Variants in SLC30A3 observed in about 807,000 individuals in gnomAD.
The protein encoded by SLC30A3 is solute carrier family 30 member 3, also known as probable proton-coupled zinc antiporter SLC30A3.
A neutral mutation model predicts 35.6 loss-of-function variants in SLC30A3; 20 were observed. That is an observed-to-expected ratio of 0.56 (90% CI 0.39 to 0.82). The LOEUF (loss-of-function observed/expected upper bound fraction) is 0.82. Ranked by LOEUF, SLC30A3 falls within the 40% of genes least tolerant of loss-of-function variation. SLC30A3 has a pLI of 0.00. For synonymous variants in SLC30A3, 217 were observed against 224.7 expected, an observed-to-expected ratio of 0.97 and a Z score of 0.31; for missense variants, 401 against 530.6, an observed-to-expected ratio of 0.76 and a Z score of 2.40.
Position 27,255,889 on chromosome 2 carries a change from T to C in SLC30A3, c.1019-429A>G. The C allele has an allele frequency of 4.7e-6, 1 of 212,802 alleles. No homozygotes were observed. 13.2% of individuals were successfully genotyped at this position (212,802 alleles called of 1,614,324 possible). A position where few individuals can be genotyped will look rare whatever the true frequency, so the allele number is the denominator to read the frequency against. ...GCATCTGGAAGAAACTCAAAAATCC[T>C]TTGTCAGCTCATGACTCACCATATA... On this transcript the variant is annotated intron_variant, in intron 7 of 7. Transcript: ENST00000233535. This position sits in a 1 kb window ranked among gnomAD's most constrained non-coding sequence, Gnocchi z 5.2.
upstream of SLC30A3, chr2:27,263,097 C>A (rs1677311442): frequency 3.7e-6 from 5 of 1,347,938 alleles, no homozygotes; most frequent in Non-Finnish European, 3.8e-6. Flanking sequence ...GGAGCCCCGC[C>A]CCGCGTGGGG....
intron 1 of SLC30A3, among the ~76,000 whole-genome samples, chr2:27,270,921 G>A (rs1209410229): frequency 6.6e-6 from 1 of 152,114 alleles, no homozygotes. Flanking sequence ...GAGAGGATGT[G>A]AATATCCCCC....
upstream of SLC30A3, chr2:27,263,909 G>A: frequency 1.8e-6 from 1 of 551,678 alleles, no homozygotes; most frequent in Non-Finnish European, 3.1e-6. Context: ...CAGCGTGTCA[G>A]CTAGTGATTC....
At chr2:27,259,103 A>G (rs1421005382) in intron 1 of SLC30A3, 169 bp from the exon 2 acceptor site, 2 of 579,764 alleles carry the variant, frequency 3.4e-6, no homozygotes, top group South Asian at 2.3e-5. Flanking sequence ...GGCTAAATGA[A>G]CAGGTCAGAG....
At position 27,259,441 on chromosome 2, in the gene SLC30A3, C is replaced by T. The variant is rs541478559; in HGVS notation, c.96-507G>A. Among the ~76,000 whole-genome samples, 1,289 of 151,394 alleles carry T rather than the reference C, an allele frequency of 8.5e-3. 31 individuals are homozygous for T. Among genetic ancestry groups the T allele is most frequent in the Middle Eastern group, 0.01 (3 of 292 alleles). ...CAGGGAGTTGGAGGTTGCAGTGAGC[C>T]GAGATCGTGCCACTGCACTCCAGCC... is the stretch of plus-strand genomic sequence containing the variant. On this transcript the variant is annotated intron_variant, in intron 1 of 7. Coordinates refer to ENST00000233535, the MANE Select transcript of SLC30A3 (RefSeq NM_003459.5).
chr2:27,275,303 A>G (rs534127426), exon 1 of SLC30A3: 90 of 996,566 alleles, frequency 9.0e-5, no homozygotes, highest in Middle Eastern at 3.2e-4. Context: ...GCCTGGCAGC[A>G]ACGCTCCTAC....
In SLC30A3 at chr2:27,262,523, G is replaced by A. The variant is rs1045254680; in HGVS notation, c.95+289C>T. On this transcript the variant is annotated intron_variant, in intron 1 of 7. Coordinates refer to ENST00000233535, the MANE Select transcript of SLC30A3 (RefSeq NM_003459.5). The surrounding 1 kb of genome is among the most constrained non-coding windows in gnomAD (Gnocchi z 7.5). ...CCGAGCGGCAGCTGCTCCCAGGGAA[G>A]GCAGGCGCCGCGGGGGTGGCGGAGG... 1.3e-5 allele frequency among the ~76,000 whole-genome samples: 2 copies of A among 152,048 alleles called. No homozygotes were observed. Among genetic ancestry groups the A allele is most frequent in the Non-Finnish European group, 2.9e-5 (2 of 67,972 alleles).
Position 27,258,710 on chromosome 2 carries a change from A to G in SLC30A3, c.277+43T>C, listed in dbSNP as rs1199171403. On this transcript the variant is annotated intron_variant, in intron 2 of 7. Coordinates refer to ENST00000233535, the MANE Select transcript of SLC30A3 (RefSeq NM_003459.5). This position sits in a 1 kb window ranked among gnomAD's most constrained non-coding sequence, Gnocchi z 4.0. ...ACTCTGGGTGGAGAGTGGCTTGGGC[A>G]GGTATTTGGAGAATGGGGTTTAAGG... The G allele has an allele frequency of 6.3e-7, 1 of 1,599,294 alleles. No homozygotes were observed. The highest frequency in any genetic ancestry group is 8.6e-7 in the Non-Finnish European group (1 of 1,167,762).
At chr2:27,268,887 G>A (rs1677609588) in intron 1 of SLC30A3, among the ~76,000 whole-genome samples, 1 of 152,174 alleles carries the variant, frequency 6.6e-6, no homozygotes. Context: ...TTTAAGAACA[G>A]TGATCTGGGA....
At chr2:27,263,060 G>T (rs1677307920), upstream of SLC30A3, 1 of 1,362,416 alleles carries the variant, frequency 7.3e-7, no homozygotes, top group East Asian at 3.1e-5. Flanking sequence ...GGCGCGCGGA[G>T]TCCGAACTGC....
rs1428260371 is a variant in SLC30A3, at chr2:27,255,758, T to A, written c.1019-298A>T. ...CATACCACCCGATTTCCCAGGACAATCCAGTTGTTAAATATCTGTCTCATT... is the reference window on the plus strand; with the variant it reads ...CATACCACCCGATTTCCCAGGACAAACCAGTTGTTAAATATCTGTCTCATT... On this transcript the variant is annotated intron_variant, in intron 7 of 7. Coordinates refer to ENST00000233535, the MANE Select transcript of SLC30A3 (RefSeq NM_003459.5). This position sits in a 1 kb window ranked among gnomAD's most constrained non-coding sequence, Gnocchi z 5.2. The A allele has an allele frequency of 2.7e-6, 1 of 367,516 alleles. No homozygotes were observed. The highest frequency in any genetic ancestry group is 4.9e-6 in the Non-Finnish European group (1 of 202,520). The allele number at this position is 367,516 out of a possible 1,614,324, so 22.8% of individuals were successfully genotyped here.
In SLC30A3 at chr2:27,262,279, C is replaced by G. The variant is rs905608856; in HGVS notation, c.95+533G>C. ...CTCCTTCCTCGCCGCCCCCTCGCTT[C>G]CCGGCGGCCGCCCGCCCCCCAGGGG... is the stretch of plus-strand genomic sequence containing the variant. On this transcript the variant is annotated intron_variant, in intron 1 of 7. Transcript: ENST00000233535. This position sits in a 1 kb window ranked among gnomAD's most constrained non-coding sequence, Gnocchi z 7.5. 1.2e-4 allele frequency: 18 copies of G among 152,262 alleles called. No homozygotes were observed. The highest frequency in any genetic ancestry group is 3.9e-4 in the African/African-American group (16 of 41,548). 9.4% of individuals were successfully genotyped at this position (152,262 alleles called of 1,614,324 possible). A position where few individuals can be genotyped will look rare whatever the true frequency, so the allele number is the denominator to read the frequency against.
chr2:27,257,209 C>A lies in SLC30A3; in HGVS notation c.722G>T (p.Gly241Val). The A allele has an allele frequency of 6.2e-7, 1 of 1,614,014 alleles. No homozygotes were observed. The highest frequency in any genetic ancestry group is 8.5e-7 in the Non-Finnish European group (1 of 1,179,976). Reference sequence around the variant, plus strand: ...TACCCCAAAGCTCTGCAGGAGGTCCCCCAGCACGTGCACAAATGCCGCCCG... The same window carrying A: ...TACCCCAAAGCTCTGCAGGAGGTCCACCAGCACGTGCACAAATGCCGCCCG... ...SVRAAFVHVLGDLLQSFGVLA... is the reference protein window; with the variant it reads ...SVRAAFVHVLVDLLQSFGVLA... The change falls in exon 5 of 8, where the codon GGG (glycine) becomes GTG (valine). Residue 241 changes from glycine to valine, a missense_variant. Coordinates refer to ENST00000233535, the MANE Select transcript of SLC30A3 (RefSeq NM_003459.5). This position sits in a 1 kb window ranked among gnomAD's most constrained non-coding sequence, Gnocchi z 4.7.
Position 27,257,900 on chromosome 2 carries a change from C to T in SLC30A3, c.578+5G>A, listed in dbSNP as rs772437219. On this transcript the variant is annotated splice_donor_5th_base_variant and intron_variant, in intron 4 of 7. Coordinates refer to ENST00000233535, the MANE Select transcript of SLC30A3 (RefSeq NM_003459.5). The surrounding 1 kb of genome is among the most constrained non-coding windows in gnomAD (Gnocchi z 4.7). ...ACAAGGTGCCTGCTCCATACTGGGA[C>T]GTACAACAGGTTGGCACAGACTGCG... 1.2e-6 allele frequency: 2 copies of T among 1,612,818 alleles called. No homozygotes were observed. The highest frequency in any genetic ancestry group is 1.7e-6 in the Non-Finnish European group (2 of 1,179,474).
chr2:27,266,064 T>C (rs963973413), upstream of SLC30A3, among the ~76,000 whole-genome samples: 8 of 151,154 alleles, frequency 5.3e-5, no homozygotes, highest in African/African-American at 1.9e-4. Context: ...TTTGTTCTTT[T>C]TTTTTTTTTT....
chr2:27,272,517 G>A (rs1677768539), intron 1 of SLC30A3, among the ~76,000 whole-genome samples: 3 of 148,720 alleles, frequency 2.0e-5, no homozygotes, highest in South Asian at 2.1e-4. Flanking sequence ...TTTTTGAGAC[G>A]GAGTCTCACT....
At chr2:27,264,744 A>T (rs755637650), upstream of SLC30A3, among the ~76,000 whole-genome samples, 1 of 152,214 alleles carries the variant, frequency 6.6e-6, no homozygotes, top group Non-Finnish European at 1.5e-5. This position sits in a 1 kb window ranked among gnomAD's most constrained non-coding sequence, Gnocchi z 6.1. Context: ...GCGGGACTTG[A>T]CGGACCTCTG....
chr2:27,270,908 C>G (rs191148216), intron 1 of SLC30A3, among the ~76,000 whole-genome samples: 1 of 152,194 alleles, frequency 6.6e-6, no homozygotes, highest in East Asian at 1.9e-4. Flanking sequence ...TGACATCACC[C>G]ATGAGAGGAT....
intron 1 of SLC30A3, 137 bp from the exon 2 acceptor site, chr2:27,259,071 A>G: frequency 1.5e-6 from 1 of 658,072 alleles, no homozygotes; most frequent in Non-Finnish European, 2.6e-6. Context: ...CTGCATCGGC[A>G]GAGGGCCACA....
Sources: gnomAD v4.1 joint callset for allele counts (sites outside exome capture counted in the v4.1 genomes callset) on GRCh38, gnomAD v4.1.1 for gene constraint, Gnocchi (gnomAD v3.1) non-coding constraint, MANE v1.5 for transcripts, NCBI Gene and HGNC (gene_info 2026-07-23, HGNC 2026-07-21) for gene names.